The following FRZB variants were observed in gnomAD, a reference collection of about 807,000 sequenced individuals.
The protein encoded by FRZB is secreted frizzled-related protein 3.
A neutral mutation model predicts 32.5 loss-of-function variants in FRZB; 34 were observed. The ratio of observed to expected loss-of-function variants is 1.05; its 90% CI spans 0.80 to 1.39. The LOEUF (loss-of-function observed/expected upper bound fraction) is 1.39, where lower values mean the gene tolerates loss of function less well. Ranked by LOEUF, FRZB falls within the 40% of genes most tolerant of loss-of-function variation. FRZB has a pLI of 0.00. For synonymous variants in FRZB, 170 were observed against 159.2 expected (o/e 1.07, Z -0.51); for missense variants, 423 against 424.8 (o/e 1.00, Z 0.04).
At chr2:182,839,085 T>C (rs146200681) in intron 3 of FRZB, among the ~76,000 whole-genome samples, 1 of 152,224 alleles carries the variant, frequency 6.6e-6, no homozygotes, top group African/African-American at 2.4e-5. Context: ...ATCAGGTCCA[T>C]TAACAGGTTT....
chr2:182,835,019 T>C, intron 5 of FRZB, 54 bp from the exon 6 acceptor site: 1 of 1,282,668 alleles, frequency 7.8e-7, no homozygotes, highest in Non-Finnish European at 1.1e-6. Context: ...AGGGTCATTA[T>C]TTCCATGATT....
At chr2:182,856,529 A>T (rs1454421160) in intron 2 of FRZB, among the ~76,000 whole-genome samples, 1 of 152,104 alleles carries the variant, frequency 6.6e-6, no homozygotes, top group Non-Finnish European at 1.5e-5. Context: ...GACAAAGATC[A>T]ACAGTATGGA....
At chr2:182,836,543 G>A (rs1695527709) in intron 5 of FRZB, among the ~76,000 whole-genome samples, 2 of 152,004 alleles carry the variant, frequency 1.3e-5, no homozygotes, top group Non-Finnish European at 2.9e-5. Context: ...GAAAGCAATG[G>A]GAAACAGGAC....
At chr2:182,844,491 T>C (rs891996992) in intron 2 of FRZB, among the ~76,000 whole-genome samples, 1 of 152,200 alleles carries the variant, frequency 6.6e-6, no homozygotes, top group African/African-American at 2.4e-5. Flanking sequence ...TCCTCATCCA[T>C]ATATAGACTT....
In FRZB at chr2:182,838,480, G is replaced by A. The variant is rs370385346; in HGVS notation, c.726C>T (p.Gly242=). Residue 242 remains glycine (G), a synonymous_variant, in exon 4 of 6, where the codon GGC becomes GGT. Transcript: ENST00000295113. ...TAACATTAAGTGGAGGGCAGAGGCA[G>A]CCAGAGCTGGTATAGAGGTTGACAG... The part of the protein sequence containing the change: ...RDTVNLYTSS[G]CLCPPLNVNE... The A allele has an allele frequency of 3.1e-6, 5 of 1,612,926 alleles. No individual in the cohort carries two copies. In the African/African-American group the frequency reaches 5.3e-5, roughly 17 times the overall value.
intron 5 of FRZB, among the ~76,000 whole-genome samples, chr2:182,837,130 C>T (rs1441198647): frequency 1.3e-5 from 2 of 150,290 alleles, no homozygotes; most frequent in African/African-American, 4.9e-5. Flanking sequence ...ATGCATTCCC[C>T]CACCCCATTC....
intron 2 of FRZB, among the ~76,000 whole-genome samples, chr2:182,847,999 C>T (rs1004907810): frequency 1.3e-5 from 2 of 150,718 alleles, no homozygotes; most frequent in African/African-American, 4.9e-5. Flanking sequence ...CATGATATCT[C>T]ACATAGACAA....
chr2:182,853,914 A>G (rs1465574008), intron 2 of FRZB, among the ~76,000 whole-genome samples: 1 of 152,200 alleles, frequency 6.6e-6, no homozygotes, highest in African/African-American at 2.4e-5. Context: ...AAAACAACCC[A>G]AATATCCATG....
chr2:182,836,771 T>C (rs556684805), intron 5 of FRZB, among the ~76,000 whole-genome samples: 1 of 152,190 alleles, frequency 6.6e-6, no homozygotes, highest in East Asian at 1.9e-4. Flanking sequence ...CTTTTTTCTT[T>C]AATAAACACC....
At chr2:182,861,910 C>T (rs1192042609) in intron 1 of FRZB, among the ~76,000 whole-genome samples, 1 of 152,214 alleles carries the variant, frequency 6.6e-6, no homozygotes, top group Non-Finnish European at 1.5e-5. Context: ...AAGTTAAATA[C>T]TACTAACATA....
At chr2:182,844,725 T>A (rs936236670) in intron 2 of FRZB, among the ~76,000 whole-genome samples, 10 of 152,296 alleles carry the variant, frequency 6.6e-5, no homozygotes, top group Admixed American at 1.3e-4. Flanking sequence ...GGGATTTTTT[T>A]AAATTATATT....
intron 4 of FRZB, 135 bp downstream of exon 4, chr2:182,838,274 C>T: frequency 1.3e-6 from 1 of 789,018 alleles, no homozygotes; most frequent in Non-Finnish European, 2.0e-6. Flanking sequence ...AGAAACCCAA[C>T]TAAAACTTAT....
At chr2:182,862,223 C>T (rs553119136) in intron 1 of FRZB, among the ~76,000 whole-genome samples, 8 of 152,190 alleles carry the variant, frequency 5.3e-5, no homozygotes, top group South Asian at 2.1e-4. Flanking sequence ...CCTGCAGAAA[C>T]GTGTTGAGCA....
At chr2:182,846,431 G>T (rs1454423280) in intron 2 of FRZB, among the ~76,000 whole-genome samples, 1 of 151,980 alleles carries the variant, frequency 6.6e-6, no homozygotes, top group Non-Finnish European at 1.5e-5. Context: ...ATATTTTTCT[G>T]TTTTTTCTAG....
At chr2:182,838,048 T>A in intron 4 of FRZB, 37 bp from the exon 5 acceptor site, 1 of 1,518,228 alleles carries the variant, frequency 6.6e-7, no homozygotes, top group Non-Finnish European at 9.1e-7. Context: ...TTTGAAAAAT[T>A]AAAACCTGTT....
rs1350713924 is a variant in FRZB, at chr2:182,834,232, T to C, written c.*617A>G. The stretch of plus-strand genomic sequence containing the variant: ...AAATGTTCTTTCTTAAGCTCCTATT[T>C]ATTTTACTTCCTGACAGTCTCAAAA... On this transcript the variant is annotated 3_prime_UTR_variant, in exon 6 of 6. Transcript: ENST00000295113. The C allele has an allele frequency of 2.0e-5, 3 of 152,350 alleles. No homozygotes were observed. The highest frequency in any genetic ancestry group is 6.5e-5 in the Admixed American group (1 of 15,290). 9.4% of individuals were successfully genotyped at this position (152,350 alleles called of 1,614,324 possible). A position where few individuals can be genotyped will look rare whatever the true frequency, so the allele number is the denominator to read the frequency against.
intron 1 of FRZB, among the ~76,000 whole-genome samples, chr2:182,864,564 A>G (rs1343499033): frequency 6.6e-6 from 1 of 152,232 alleles, no homozygotes; most frequent in Non-Finnish European, 1.5e-5. Context: ...CAAGAAGACA[A>G]TAGGTATATT....
rs770080107 is a variant in FRZB at position 182,866,379 on chromosome 2, G to T, written c.174C>A (p.His58Gln). The change falls in exon 1 of 6, where the codon CAC becomes CAA. Residue 58 changes from histidine (H) to glutamine (Q), a missense_variant. Transcript: ENST00000295113. The surrounding 1 kb of genome is among the most constrained non-coding windows in gnomAD (Gnocchi z 4.5). ...GGATGGCGTTGGCCTGAGTGCTGTG[G>T]TGCAGGTGGTTGGGCATCTTAGTCA... ...WNMTKMPNHL[H>Q]HSTQANAILA... is the part of the protein sequence containing the mutation. 3.7e-6 allele frequency: 6 copies of T among 1,613,154 alleles called. No homozygotes were observed. The South Asian group carries it at 6.6e-5, about 18-fold the overall frequency.
At chr2:182,837,105 T>A (rs1392501255) in intron 5 of FRZB, among the ~76,000 whole-genome samples, 3 of 120,538 alleles carry the variant, frequency 2.5e-5, no homozygotes, top group African/African-American at 9.7e-5. Context: ...TCCTTTGAGA[T>A]TTTTTTGTCC....
Sources: allele counts gnomAD v4.1 joint callset (sites outside exome capture counted in the v4.1 genomes callset), GRCh38; gene constraint gnomAD v4.1.1; non-coding constraint Gnocchi (gnomAD v3.1); transcripts MANE v1.5; gene names NCBI Gene and HGNC (gene_info 2026-07-23, HGNC 2026-07-21).